Variants in RBFOX1 observed in about 807,000 individuals in gnomAD.
RBFOX1 encodes the protein RNA binding protein fox-1 homolog 1.
RBFOX1 carries 8 observed loss-of-function variants against 57.7 expected under a neutral mutation model. The ratio of observed to expected loss-of-function variants is 0.14; its 90% CI spans 0.08 to 0.25. RBFOX1 has a LOEUF of 0.25. Among genes scored for constraint, RBFOX1 ranks in the 10% least tolerant of loss-of-function variants. RBFOX1 has a pLI of 1.00. For missense variants in RBFOX1, 611 were observed against 548.5 expected (o/e 1.11, Z -1.14); for synonymous variants, 326 against 222.4 (o/e 1.47, Z -4.15).
At chr16:5,268,090 A>G (rs991727384) in intron 1 of RBFOX1, among the ~76,000 whole-genome samples, 1 of 152,166 alleles carries the variant, frequency 6.6e-6, no homozygotes, top group African/African-American at 2.4e-5. Context: ...AAAAAAAAAA[A>G]AGATGACTGG....
At chr16:6,289,680 A>C (rs965845966) in intron 1 of RBFOX1, among the ~76,000 whole-genome samples, 1 of 152,180 alleles carries the variant, frequency 6.6e-6, no homozygotes, top group Non-Finnish European at 1.5e-5. Context: ...AAGAAGATGC[A>C]TTGAGCAATA....
rs367630489 is a variant in RBFOX1, at chr16:5,823,528, T to C, written c.319-43775T>C. Among the ~76,000 whole-genome samples the C allele has an allele frequency of 9.9e-5, 15 of 152,260 alleles. No individual in the cohort carries two copies. In the East Asian group the frequency reaches 2.3e-3, roughly 23 times the overall value. Reference sequence around the variant, plus strand: ...CAGGCCACGGACTGCTACCAGTCCATGGCCTATTAGGAACCCAACCACACA... The same window carrying C: ...CAGGCCACGGACTGCTACCAGTCCACGGCCTATTAGGAACCCAACCACACA... On this transcript the variant is annotated intron_variant, in intron 3 of 19. Transcript: ENST00000641259.
chr16:5,664,046 A>G (rs1237203150), intron 3 of RBFOX1, among the ~76,000 whole-genome samples: 1 of 152,114 alleles, frequency 6.6e-6, no homozygotes, highest in Admixed American at 6.5e-5. Flanking sequence ...AGACAGAGAG[A>G]GCACACTGTC....
intron 4 of RBFOX1, among the ~76,000 whole-genome samples, chr16:7,129,618 T>A (rs1035553109): frequency 2.0e-5 from 3 of 152,046 alleles, no homozygotes; most frequent in Admixed American, 2.0e-4. Flanking sequence ...TGCATCTGAT[T>A]GTTGACTAGA....
intron 5 of RBFOX1, among the ~76,000 whole-genome samples, chr16:7,531,464 G>C (rs1198482471): frequency 6.6e-6 from 1 of 152,138 alleles, no homozygotes; most frequent in Non-Finnish European, 1.5e-5. Flanking sequence ...GCCTAGATGA[G>C]AAAACCAGAA....
At chr16:5,919,592 C>A (rs939831663) in intron 4 of RBFOX1, among the ~76,000 whole-genome samples, 3 of 152,192 alleles carry the variant, frequency 2.0e-5, no homozygotes, top group Non-Finnish European at 4.4e-5. Context: ...GATCCGCATG[C>A]CTCGGCCTCC....
chr16:5,916,241 A>G (rs1354007257), intron 4 of RBFOX1, among the ~76,000 whole-genome samples: 2 of 152,148 alleles, frequency 1.3e-5, no homozygotes, highest in East Asian at 3.9e-4. Context: ...TCACCGTAAC[A>G]GGTTGGAAAG....
chr16:7,556,502 T>A (rs2088533012), intron 5 of RBFOX1, among the ~76,000 whole-genome samples: 1 of 152,258 alleles, frequency 6.6e-6, no homozygotes, highest in Non-Finnish European at 1.5e-5. Flanking sequence ...GGTTTATTTG[T>A]ATAAGCAACT....
At chr16:5,432,551 G>GT (rs2067777235) in intron 1 of RBFOX1, among the ~76,000 whole-genome samples, 7 of 83,014 alleles carry the variant, frequency 8.4e-5, no homozygotes, top group Admixed American at 1.2e-4. Flanking sequence ...TTTTTTTTTT[G>GT]TTTGTTTGTT....
At chr16:6,269,518 A>AG (rs2074953247) in intron 1 of RBFOX1, among the ~76,000 whole-genome samples, 1 of 152,220 alleles carries the variant, frequency 6.6e-6, no homozygotes, top group Non-Finnish European at 1.5e-5. Context: ...TCCTTATAGG[A>AG]GGAAACCCAT....
intron 5 of RBFOX1, among the ~76,000 whole-genome samples, chr16:7,524,502 A>C (rs1396034530): frequency 6.6e-6 from 1 of 152,202 alleles, no homozygotes; most frequent in African/African-American, 2.4e-5. Flanking sequence ...ACATATTATC[A>C]TTAGAGATTT....
At chr16:6,574,728 G>C (rs145796016) in intron 2 of RBFOX1, among the ~76,000 whole-genome samples, 1 of 137,170 alleles carries the variant, frequency 7.3e-6, no homozygotes, top group Non-Finnish European at 1.6e-5. Flanking sequence ...CGCCCGGCCC[G>C]TATCTTCTAT....
chr16:6,399,226 T>G (rs985771976), intron 2 of RBFOX1, among the ~76,000 whole-genome samples: 1 of 152,220 alleles, frequency 6.6e-6, no homozygotes, highest in Non-Finnish European at 1.5e-5. Flanking sequence ...GCCTGGCCCA[T>G]GAAACCACTT....
chr16:7,666,274 G>C (rs994289683), intron 13 of RBFOX1, among the ~76,000 whole-genome samples: 2 of 152,112 alleles, frequency 1.3e-5, no homozygotes, highest in Non-Finnish European at 2.9e-5. Flanking sequence ...CAGAATGGTA[G>C]TTGGCATCGC....
At chr16:5,300,880 T>G (rs934679238) in intron 1 of RBFOX1, among the ~76,000 whole-genome samples, 1 of 152,236 alleles carries the variant, frequency 6.6e-6, no homozygotes, top group Non-Finnish European at 1.5e-5. Context: ...ATGTCCTCTC[T>G]TTAATTGCTG....
intron 1 of RBFOX1, among the ~76,000 whole-genome samples, chr16:6,110,857 T>G (rs1232693222): frequency 6.6e-6 from 1 of 152,150 alleles, no homozygotes; most frequent in Non-Finnish European, 1.5e-5. Flanking sequence ...AATTCTCCAG[T>G]GCACAGCACC....
intron 1 of RBFOX1, among the ~76,000 whole-genome samples, chr16:6,202,725 T>C (rs537716212): frequency 1.3e-5 from 2 of 152,318 alleles, no homozygotes; most frequent in African/African-American, 4.8e-5. Flanking sequence ...TTTGTATTTA[T>C]CCATCACCTC....
rs144249014 is a variant in RBFOX1, at chr16:6,782,897, A to G, written c.-16+128247A>G. ...CTTTATCTCTAATAATATTTGCTTT[A>G]TATATCTGAGTGATCCAGCATTAGG... On this transcript the variant is annotated intron_variant, in intron 3 of 15. Coordinates refer to ENST00000550418, the MANE Select transcript of RBFOX1 (RefSeq NM_018723.4). Among the ~76,000 whole-genome samples the G allele has an allele frequency of 5.5e-3, 832 of 152,130 alleles. 11 individuals carry two copies. The highest frequency in any genetic ancestry group is 0.019 in the African/African-American group (784 of 41,512).
chr16:5,796,424 T>G (rs543176090), intron 3 of RBFOX1, among the ~76,000 whole-genome samples: 19 of 152,248 alleles, frequency 1.2e-4, no homozygotes, highest in African/African-American at 4.6e-4. Flanking sequence ...TGTGATATGA[T>G]CAGTGGCCTC....
Sources: gnomAD v4.1 joint callset for allele counts (sites outside exome capture counted in the v4.1 genomes callset) on GRCh38, gnomAD v4.1.1 for gene constraint, MANE v1.5 for transcripts, NCBI Gene and HGNC (gene_info 2026-07-23, HGNC 2026-07-21) for gene names.